The following GPRIN3 variants were observed in gnomAD, a reference collection of about 807,000 sequenced individuals.
The protein encoded by GPRIN3 is GPRIN family member 3.
GPRIN3 carries 12 observed loss-of-function variants against 13.7 expected under a neutral mutation model. The ratio of observed to expected loss-of-function variants is 0.87; its 90% CI spans 0.56 to 1.42. GPRIN3 has a LOEUF of 1.42. Among genes scored for constraint, GPRIN3 ranks in the 40% most tolerant of loss-of-function variants. GPRIN3 has a pLI of 0.00. For missense variants in GPRIN3, 1,009 were observed against 958.7 expected, an observed-to-expected ratio of 1.05 and a Z score of -0.69; for synonymous variants, 377 against 372.7, an observed-to-expected ratio of 1.01 and a Z score of -0.13.
chr4:89,248,352 T>A lies in GPRIN3; in HGVS notation c.1759A>T (p.Lys587Ter), dbSNP rs1361533114. 1 of 1,614,050 alleles carries A rather than the reference T, an allele frequency of 6.2e-7. No individual in the cohort carries two copies. The highest frequency in any genetic ancestry group is 8.5e-7 in the Non-Finnish European group (1 of 1,180,030). Residue 587 changes from lysine (K) to a stop codon, truncating the protein, a stop_gained, in exon 2 of 2, where the codon AAG (lysine) becomes TAG (stop). Transcript: ENST00000609438. LOFTEE classifies it high-confidence loss of function. ...AANPTPSPIR[K>*]NQESTLEENR... ...TCTTCTAAGGTGCTCTCCTGGTTCT[T>A]CCTAATTGGGGAGGGTGTAGGATTA... is the stretch of plus-strand genomic sequence containing the variant.
chr4:89,305,794 T>C (rs1207970901), intron 1 of GPRIN3, among the ~76,000 whole-genome samples: 2 of 152,184 alleles, frequency 1.3e-5, no homozygotes, highest in African/African-American at 2.4e-5. Flanking sequence ...ATTAAAACAC[T>C]CAAATTTCAA....
intron 1 of GPRIN3, among the ~76,000 whole-genome samples, chr4:89,270,578 T>TATATATATATATATATATAA (rs1373245039): frequency 1.0e-5 from 1 of 99,548 alleles, no homozygotes; most frequent in East Asian, 3.2e-4. Context: ...TATATATATA[T>TATATATATATATATATATAA]ATATATATAT....
intron 1 of GPRIN3, among the ~76,000 whole-genome samples, chr4:89,291,808 C>G (rs1194904697): frequency 2.0e-5 from 3 of 147,406 alleles, no homozygotes; most frequent in African/African-American, 7.5e-5. Flanking sequence ...CATATCCTTA[C>G]CAACACTTGG....
chr4:89,266,345 C>G (rs1004173772), intron 1 of GPRIN3, among the ~76,000 whole-genome samples: 1 of 152,158 alleles, frequency 6.6e-6, no homozygotes, highest in Non-Finnish European at 1.5e-5. Context: ...GCTGGTGGGC[C>G]TCTCTCTGGC....
At position 89,248,267 on chromosome 4, in the gene GPRIN3, G is replaced by T. The variant is rs1390753071; in HGVS notation, c.1844C>A (p.Ser615Tyr). 2 of 1,614,088 alleles carry T rather than the reference G, an allele frequency of 1.2e-6. No individual in the cohort carries two copies. Among genetic ancestry groups the T allele is most frequent in the East Asian group, 4.5e-5 (2 of 44,890 alleles). ...LSLPSDPMGD[S>Y]SPGSGKKTPS... The stretch of plus-strand genomic sequence containing the variant: ...GGTCTTCTTGCCAGAACCTGGGCTG[G>T]AGTCACCCATGGGATCAGATGGCAG... The change falls in exon 2 of 2, where the codon TCC becomes TAC. Residue 615 changes from serine to tyrosine, a missense_variant. By Grantham distance (144) the Ser-to-Tyr change is moderately radical. Coordinates refer to ENST00000609438, the MANE Select transcript of GPRIN3 (RefSeq NM_198281.3).
In GPRIN3 at chr4:89,239,215, T is replaced by C. The variant is rs1490256693; in HGVS notation, c.*8565A>G. ...TCATAAATGGACTTTCCATTTTGAA[T>C]ATTTTTTCTTGTAATATTATACCAC... On this transcript the variant is annotated 3_prime_UTR_variant, in exon 2 of 2. Coordinates refer to ENST00000609438, the MANE Select transcript of GPRIN3 (RefSeq NM_198281.3). 1 of 152,184 alleles carries C rather than the reference T, an allele frequency of 6.6e-6. No individual in the cohort carries two copies. The highest frequency in any genetic ancestry group is 1.9e-4 in the East Asian group (1 of 5,202). 9.4% of individuals were successfully genotyped at this position (152,184 alleles called of 1,614,324 possible).
chr4:89,254,128 G>GGGGTGTGT (rs150483417), intron 1 of GPRIN3, among the ~76,000 whole-genome samples: 1 of 147,646 alleles, frequency 6.8e-6, no homozygotes, highest in Non-Finnish European at 1.5e-5. Context: ...GTTGCATCTG[G>GGGGTGTGT]GTGTGTGTGT....
At chr4:89,257,507 T>C (rs1723499453) in intron 1 of GPRIN3, among the ~76,000 whole-genome samples, 1 of 152,204 alleles carries the variant, frequency 6.6e-6, no homozygotes, top group South Asian at 2.1e-4. Flanking sequence ...CACTGTTCTG[T>C]ATGTGAACTC....
Position 89,254,903 on chromosome 4 carries a change from TCCCTTGC to T in GPRIN3, c.-123-4677_-123-4671del, listed in dbSNP as rs1723426141. The stretch of plus-strand genomic sequence containing the variant: ...GATCTTTCATAAAAATCCAGAATTC[TCCCTTGC>T]CTCTATTTATTGTTAAGGTTTGCAT... On this transcript the variant is annotated intron_variant, in intron 1 of 1. Transcript: ENST00000609438. Among the ~76,000 whole-genome samples, 7 of 152,326 alleles carry T rather than the reference TCCCTTGC, an allele frequency of 4.6e-5. No individual in the cohort carries two copies. The South Asian group carries it at 1.4e-3, about 32-fold the overall frequency.
intron 1 of GPRIN3, among the ~76,000 whole-genome samples, chr4:89,301,915 T>C (rs1724908045): frequency 6.6e-6 from 1 of 152,206 alleles, no homozygotes; most frequent in Non-Finnish European, 1.5e-5. Flanking sequence ...AGAATTTTTT[T>C]AAGGGTTCTC....
chr4:89,243,886 G>A lies in GPRIN3; in HGVS notation c.*3894C>T, dbSNP rs538055752. ...GATGTGGTTAATTATGTGTTACTAG[G>A]AGTAGACAAAATTTTAAACACTTGG... On this transcript the variant is annotated 3_prime_UTR_variant, in exon 2 of 2. Transcript: ENST00000609438. 3 of 152,264 alleles carry A rather than the reference G, an allele frequency of 2.0e-5. No individual in the cohort carries two copies. In the East Asian group the frequency reaches 5.8e-4, roughly 29 times the overall value. The allele number at this position is 152,264 out of a possible 1,614,324, so 9.4% of individuals were successfully genotyped here. A position where few individuals can be genotyped will look rare whatever the true frequency, so the allele number is the denominator to read the frequency against.
Position 89,247,952 on chromosome 4 carries a change from T to G in GPRIN3, c.2159A>C (p.His720Pro), listed in dbSNP as rs757772217. Residue 720 changes from histidine (H) to proline (P), a missense_variant, in exon 2 of 2, where the codon CAT (histidine) becomes CCT (proline). His to Pro is a moderately conservative substitution (Grantham distance 77). Transcript: ENST00000609438. ...ATTTTGAGTTTTGATTAATTTCTCA[T>G]GTTCCCTGATTTGTCTTTGCAAATG... ...QNHLQRQIREHEKLIKTQNSQ... is the reference protein window; with the variant it reads ...QNHLQRQIREPEKLIKTQNSQ... The G allele has an allele frequency of 6.2e-7, 1 of 1,614,178 alleles. No individual in the cohort carries two copies. Among genetic ancestry groups the G allele is most frequent in the East Asian group, 2.2e-5 (1 of 44,884 alleles).
At chr4:89,293,944 T>C (rs1303187980) in intron 1 of GPRIN3, among the ~76,000 whole-genome samples, 3 of 152,220 alleles carry the variant, frequency 2.0e-5, no homozygotes, top group Non-Finnish European at 4.4e-5. Flanking sequence ...CTTTCTTTTT[T>C]AAAATTTATG....
At chr4:89,273,484 A>C (rs768180487) in intron 1 of GPRIN3, among the ~76,000 whole-genome samples, 118 of 152,308 alleles carry the variant, frequency 7.7e-4, no homozygotes, top group Non-Finnish European at 1.4e-3. Flanking sequence ...GTTCAAGACC[A>C]GTTCAAGACC....
intron 1 of GPRIN3, among the ~76,000 whole-genome samples, chr4:89,257,567 C>G (rs1325575123): frequency 6.6e-6 from 1 of 152,212 alleles, no homozygotes; most frequent in Non-Finnish European, 1.5e-5. Flanking sequence ...ATGTGCCCTG[C>G]TTTGCAGATC....
At position 89,298,414 on chromosome 4, in the gene GPRIN3, ATT is replaced by A. The variant is rs144706909; in HGVS notation, c.-124+9199_-124+9200del. ...TGAAGAGGAACGGAAATGAAGCTGA[ATT>A]GCTCAGCATACAGGAAGGAAGAAAG... On this transcript the variant is annotated intron_variant, in intron 1 of 1. Coordinates refer to ENST00000609438, the MANE Select transcript of GPRIN3 (RefSeq NM_198281.3). Among the ~76,000 whole-genome samples, 412 of 152,194 alleles carry A rather than the reference ATT, an allele frequency of 2.7e-3. 3 individuals are homozygous for A. The highest frequency in any genetic ancestry group is 9.5e-3 in the African/African-American group (395 of 41,514).
chr4:89,259,165 A>G (rs1014149191), intron 1 of GPRIN3, among the ~76,000 whole-genome samples: 1 of 152,190 alleles, frequency 6.6e-6, no homozygotes, highest in African/African-American at 2.4e-5. Flanking sequence ...GAAAATTAAC[A>G]CACAATAAGC....
chr4:89,248,389 T>C lies in GPRIN3; in HGVS notation c.1722A>G (p.Thr574=). The C allele has an allele frequency of 6.2e-7, 1 of 1,614,216 alleles. No individual in the cohort carries two copies. The highest frequency in any genetic ancestry group is 8.5e-7 in the Non-Finnish European group (1 of 1,180,026). The change falls in exon 2 of 2, where the codon ACA becomes ACG. Residue 574 remains threonine (T), a synonymous_variant. Transcript: ENST00000609438. ...AGGGTGTAGGATTAGCAGCTGATTC[T>C]GTGCCTCCACTTTCTTGGGATTTAG... The part of the protein sequence containing the change: ...LNPKSQESGG[T]ESAANPTPSP...
chr4:89,281,029 G>A (rs774062336), intron 1 of GPRIN3, among the ~76,000 whole-genome samples: 6 of 151,784 alleles, frequency 4.0e-5, no homozygotes, highest in Non-Finnish European at 7.4e-5. Flanking sequence ...AGAGGCCTCA[G>A]GAAACTTACA....
Sources: gnomAD v4.1 joint callset for allele counts (sites outside exome capture counted in the v4.1 genomes callset) on GRCh38, gnomAD v4.1.1 for gene constraint, MANE v1.5 for transcripts, NCBI Gene and HGNC (gene_info 2026-07-23, HGNC 2026-07-21) for gene names.